The following GPM6A variants were observed in gnomAD, a reference collection of about 807,000 sequenced individuals.
GPM6A encodes neuronal membrane glycoprotein M6-a.
GPM6A carries 7 observed loss-of-function variants against 32.1 expected under a neutral mutation model. That is an observed-to-expected ratio of 0.22 (90% confidence interval 0.12 to 0.41). The LOEUF is 0.41. Among genes scored for constraint, GPM6A ranks in the 10% least tolerant of loss-of-function variants. GPM6A has a pLI of 1.00. For missense variants in GPM6A, 235 were observed against 347.2 expected, an observed-to-expected ratio of 0.68 and a Z score of 2.57; for synonymous variants, 130 against 123.4, an observed-to-expected ratio of 1.05 and a Z score of -0.35.
intron 1 of GPM6A, among the ~76,000 whole-genome samples, chr4:175,908,750 A>G (rs1224777459): frequency 6.6e-6 from 1 of 152,132 alleles, no homozygotes; most frequent in Non-Finnish European, 1.5e-5. Flanking sequence ...ACTATCACTG[A>G]GGCTTTATTT....
intron 1 of GPM6A, among the ~76,000 whole-genome samples, chr4:175,952,603 C>T (rs780418472): frequency 6.6e-6 from 1 of 152,168 alleles, no homozygotes; most frequent in Non-Finnish European, 1.5e-5. Flanking sequence ...TCCATTCACT[C>T]ATTCCAGAGA....
chr4:175,822,833 C>A (rs1225137999), intron 1 of GPM6A, among the ~76,000 whole-genome samples: 2 of 152,088 alleles, frequency 1.3e-5, no homozygotes, highest in African/African-American at 4.8e-5. Context: ...CCCCTTGCCC[C>A]CAGCCTCTGG....
intron 1 of GPM6A, among the ~76,000 whole-genome samples, chr4:175,863,143 A>C (rs1306115796): frequency 6.6e-6 from 1 of 152,174 alleles, no homozygotes; most frequent in Non-Finnish European, 1.5e-5. Context: ...ATGAGACTTC[A>C]AATGTGTATG....
chr4:175,749,693 G>A (rs1411503407), intron 1 of GPM6A, among the ~76,000 whole-genome samples: 4 of 152,156 alleles, frequency 2.6e-5, no homozygotes, highest in East Asian at 1.9e-4. Flanking sequence ...CACCACTTAC[G>A]AAGAATGCAT....
At chr4:175,824,587 T>C (rs1284190784) in intron 1 of GPM6A, among the ~76,000 whole-genome samples, 2 of 152,100 alleles carry the variant, frequency 1.3e-5, no homozygotes, top group Non-Finnish European at 2.9e-5. Flanking sequence ...CTGCCTGTCA[T>C]TGTGGTCAGA....
chr4:175,772,754 T>C (rs143056204), intron 1 of GPM6A, among the ~76,000 whole-genome samples: 1 of 152,306 alleles, frequency 6.6e-6, no homozygotes, highest in East Asian at 1.9e-4. Context: ...TGGGCTTCCA[T>C]ACTTTTTCTA....
intron 1 of GPM6A, among the ~76,000 whole-genome samples, chr4:175,767,465 C>A (rs189086924): frequency 1.8e-4 from 27 of 152,272 alleles, no homozygotes; most frequent in Non-Finnish European, 3.2e-4. Flanking sequence ...GGCAGCTTTA[C>A]CATGAAAACC....
chr4:175,707,058 C>T (rs899769446), intron 1 of GPM6A, among the ~76,000 whole-genome samples: 2 of 152,190 alleles, frequency 1.3e-5, no homozygotes, highest in African/African-American at 4.8e-5. Flanking sequence ...ATTGCTCCCC[C>T]CTTTCCCCAA....
chr4:175,696,125 A>C (rs1744565932), intron 2 of GPM6A, among the ~76,000 whole-genome samples: 1 of 152,180 alleles, frequency 6.6e-6, no homozygotes. Flanking sequence ...ATCACATCAT[A>C]ATAATAAACA....
At chr4:175,887,606 A>G (rs1475139714) in intron 1 of GPM6A, among the ~76,000 whole-genome samples, 1 of 151,964 alleles carries the variant, frequency 6.6e-6, no homozygotes, top group African/African-American at 2.4e-5. Context: ...TTTCAAACCT[A>G]GTGTTCTAGA....
At chr4:175,852,279 G>GAA (rs145123904) in intron 1 of GPM6A, among the ~76,000 whole-genome samples, 2 of 149,554 alleles carry the variant, frequency 1.3e-5, no homozygotes, top group African/African-American at 4.9e-5. Flanking sequence ...AAGAGAATAA[G>GAA]AAAAAAAAAG....
chr4:175,803,935 T>G (rs967324978), intron 1 of GPM6A, among the ~76,000 whole-genome samples: 9 of 152,132 alleles, frequency 5.9e-5, no homozygotes, highest in Non-Finnish European at 1.2e-4. Context: ...TTATTCTGAC[T>G]AATATTCAAA....
intron 3 of GPM6A, among the ~76,000 whole-genome samples, chr4:175,665,201 A>G (rs1742675124): frequency 6.6e-6 from 1 of 152,158 alleles, no homozygotes; most frequent in African/African-American, 2.4e-5. Flanking sequence ...ACACTTCTTT[A>G]TCACAGACTT....
At chr4:175,902,226 G>GA (rs1737991098) in intron 1 of GPM6A, among the ~76,000 whole-genome samples, 1 of 152,130 alleles carries the variant, frequency 6.6e-6, no homozygotes. Context: ...TATGCTGAAT[G>GA]AAAAAAGCTG....
intron 1 of GPM6A, among the ~76,000 whole-genome samples, chr4:175,730,147 G>A (rs961233853): frequency 6.6e-6 from 1 of 152,030 alleles, no homozygotes; most frequent in Non-Finnish European, 1.5e-5. Context: ...GGCAGCTTAA[G>A]TATAAGCTGC....
intron 1 of GPM6A, among the ~76,000 whole-genome samples, chr4:175,993,839 G>C (rs1319175020): frequency 6.6e-6 from 1 of 152,100 alleles, no homozygotes; most frequent in Non-Finnish European, 1.5e-5. Flanking sequence ...GACACAGAGA[G>C]ACATAAAAGA....
chr4:175,760,322 T>C (rs1204967532), intron 1 of GPM6A, among the ~76,000 whole-genome samples: 1 of 152,294 alleles, frequency 6.6e-6, no homozygotes, highest in Non-Finnish European at 1.5e-5. Context: ...TAGGTGTTTA[T>C]GGAAATAAAT....
At chr4:175,789,696 T>C (rs1733936767) in intron 1 of GPM6A, among the ~76,000 whole-genome samples, 1 of 152,298 alleles carries the variant, frequency 6.6e-6, no homozygotes, top group South Asian at 2.1e-4. Flanking sequence ...AGTTAAAATA[T>C]AGAAGAAAAA....
chr4:175,757,251 C>T (rs1206631519), intron 1 of GPM6A, among the ~76,000 whole-genome samples: 1 of 152,016 alleles, frequency 6.6e-6, no homozygotes, highest in East Asian at 1.9e-4. Flanking sequence ...TGGAGAGAAA[C>T]TGAGGACTCC....
Sources: allele counts gnomAD v4.1 joint callset (sites outside exome capture counted in the v4.1 genomes callset), GRCh38; gene constraint gnomAD v4.1.1; transcripts MANE v1.5; gene names NCBI Gene and HGNC (gene_info 2026-07-23, HGNC 2026-07-21).